The following SEMA6C variants were observed in gnomAD, a reference collection of about 807,000 sequenced individuals.
SEMA6C encodes the protein semaphorin-6C.
SEMA6C carries 37 observed loss-of-function variants against 72.9 expected under a neutral mutation model. The observed-to-expected ratio is 0.51, with a 90% CI of 0.39 to 0.67. SEMA6C has a LOEUF of 0.67. Ranked by LOEUF, SEMA6C falls within the 30% of genes least tolerant of loss-of-function variation. The probability of loss-of-function intolerance (pLI) is 0.00; values close to 1 mark genes in which losing one functional copy is unlikely to be tolerated. For missense variants in SEMA6C, 1,189 were observed against 1,263.6 expected, an observed-to-expected ratio of 0.94 and a Z score of 0.89; for synonymous variants, 578 against 554.1, an observed-to-expected ratio of 1.04 and a Z score of -0.61.
Position 151,132,268 on chromosome 1 carries a change from A to G in SEMA6C, c.*216T>C, listed in dbSNP as rs917198965. 14 of 1,528,694 alleles carry G rather than the reference A, an allele frequency of 9.2e-6. No individual in the cohort carries two copies. Among genetic ancestry groups the G allele is most frequent in the African/African-American group, 1.4e-5 (1 of 72,878 alleles). The allele number at this position is 1,528,694 out of a possible 1,614,324, so 94.7% of individuals were successfully genotyped here. A position where few individuals can be genotyped will look rare whatever the true frequency, so the allele number is the denominator to read the frequency against. ...CTCCCCCTGAAATGCTGGCTCACTG[A>G]GGAGACGGGCTTCTCACCTCCCACT... On this transcript the variant is annotated 3_prime_UTR_variant, in exon 19 of 19. Coordinates refer to ENST00000368914, the MANE Select transcript of SEMA6C (RefSeq NM_030913.6).
chr1:151,138,633 A>G lies in SEMA6C; in HGVS notation c.453T>C (p.Tyr151=). The change falls in exon 7 of 19, where the codon TAT becomes TAC. Residue 151 remains tyrosine (Y), a synonymous_variant. Transcript: ENST00000368914. ...TNSFSPVCRS[Y]GITSLQQEGE... ...ACCCCCACCCTCTCTTTTGTACCCC[A>G]TAGCTGCGGCACACAGGGCTGAATG... is the stretch of plus-strand genomic sequence containing the variant. The G allele has an allele frequency of 6.2e-7, 1 of 1,613,614 alleles. No individual in the cohort carries two copies. The highest frequency in any genetic ancestry group is 8.5e-7 in the Non-Finnish European group (1 of 1,179,588).
intron 3 of SEMA6C, among the ~76,000 whole-genome samples, chr1:151,141,754 A>ATTT (rs1682575814): frequency 1.1e-5 from 1 of 91,866 alleles, no homozygotes. Flanking sequence ...TTTTAAAGAG[A>ATTT]TGGGATGGGG....
rs767391125 is a variant in SEMA6C, at chr1:151,143,418, G to C, written c.-54-743C>G. The stretch of plus-strand genomic sequence containing the variant: ...CCGACCACTGTGCCACCCCCTCCAG[G>C]CTCTCTAGCCCCCTGCTCCTTCCCT... On this transcript the variant is annotated intron_variant, in intron 2 of 18. Coordinates refer to ENST00000368914, the MANE Select transcript of SEMA6C (RefSeq NM_030913.6). 2.8e-4 allele frequency among the ~76,000 whole-genome samples: 42 copies of C among 152,222 alleles called. 1 individual carries two copies. The highest frequency in any genetic ancestry group is 5.2e-4 in the Admixed American group (8 of 15,290).
At chr1:151,142,892 T>C (rs1337568501) in intron 2 of SEMA6C, among the ~76,000 whole-genome samples, 1 of 152,170 alleles carries the variant, frequency 6.6e-6, no homozygotes. Flanking sequence ...GAGGCCTGCC[T>C]GCATGACCCC....
chr1:151,142,607 G>T lies in SEMA6C; in HGVS notation c.15C>A (p.Pro5=), dbSNP rs1330440825. 8.8e-6 allele frequency: 14 copies of T among 1,587,774 alleles called. No individual in the cohort carries two copies. Among genetic ancestry groups the T allele is most frequent in the South Asian group, 1.2e-5 (1 of 86,184 alleles). MPRA[P]HFMPLLLLLL... is the part of the protein sequence containing the mutation. Reference sequence around the variant, plus strand: ...GCAGTAGCAGCAAGGGCATGAAGTGGGGGGCACGGGGCATCCTGTGCGGGG... The same window carrying T: ...GCAGTAGCAGCAAGGGCATGAAGTGTGGGGCACGGGGCATCCTGTGCGGGG... Residue 5 remains proline, a synonymous_variant, in exon 3 of 19, where the codon CCC becomes CCA. Transcript: ENST00000368914.
Position 151,133,657 on chromosome 1 carries a change from C to T in SEMA6C, c.1760-140G>A. 1 of 1,361,134 alleles carries T rather than the reference C, an allele frequency of 7.3e-7. No homozygotes were observed. The highest frequency in any genetic ancestry group is 2.6e-5 in the East Asian group (1 of 38,840). 84.3% of individuals were successfully genotyped at this position (1,361,134 alleles called of 1,614,324 possible). On this transcript the variant is annotated intron_variant, in intron 18 of 18. Coordinates refer to ENST00000368914, the MANE Select transcript of SEMA6C (RefSeq NM_030913.6). This position sits in a 1 kb window ranked among gnomAD's most constrained non-coding sequence, Gnocchi z 5.9. ...TCAGCCTCACTCCTACAGCCTCCAC[C>T]ATCCTCAGGATTCACCTCTCCTGAC...
chr1:151,137,173 CG>C, intron 10 of SEMA6C, 99 bp from the exon 11 acceptor site: 1 of 1,008,316 alleles, frequency 9.9e-7, no homozygotes, highest in Non-Finnish European at 1.5e-6. Context: ...GGGCTGGGCG[CG>C]GTGGCTCACG....
chr1:151,136,280 C>T, intron 12 of SEMA6C, 117 bp from the exon 13 acceptor site: 1 of 1,476,728 alleles, frequency 6.8e-7, no homozygotes, highest in African/African-American at 1.4e-5. Flanking sequence ...TCCACACAGA[C>T]ACTCGTAGCA....
At chr1:151,139,834 T>A (rs1558187167) in intron 4 of SEMA6C, 133 bp from the exon 5 acceptor site, 7 of 1,227,772 alleles carry the variant, frequency 5.7e-6, no homozygotes, top group Non-Finnish European at 8.1e-6. Context: ...TTGGCATTTG[T>A]GCTCTGGGTC....
At position 151,132,548 on chromosome 1, in the gene SEMA6C, T is replaced by A. The variant is rs1222699249; in HGVS notation, c.2729A>T (p.Lys910Met). 1 of 1,550,778 alleles carries A rather than the reference T, an allele frequency of 6.4e-7. No individual in the cohort carries two copies. The highest frequency in any genetic ancestry group is 8.7e-7 in the Non-Finnish European group (1 of 1,147,030). Reference protein sequence around the residue: ...VDVEKPQLSLKPPLVGPSSRQ... With the variant: ...VDVEKPQLSLMPPLVGPSSRQ... ...GGAGGAGGGCCCGACGAGGGGAGGC[T>A]TCAGGGACAACTGGGGCTTCTCGAC... The change falls in exon 19 of 19, where the codon AAG becomes ATG. Residue 910 changes from lysine to methionine, a missense_variant. Around this residue, in one of 2 missense-constraint regions of SEMA6C, gnomAD observed 721 missense variants for 686.2 expected, o/e 1.05. Transcript: ENST00000368914.
Position 151,131,995 on chromosome 1 carries a change from G to A in SEMA6C, c.*489C>T. The A allele has an allele frequency of 3.1e-6, 1 of 319,786 alleles. No homozygotes were observed. The allele number at this position is 319,786 out of a possible 1,614,324, so 19.8% of individuals were successfully genotyped here. A position where few individuals can be genotyped will look rare whatever the true frequency, so the allele number is the denominator to read the frequency against. On this transcript the variant is annotated 3_prime_UTR_variant, in exon 19 of 19. Coordinates refer to ENST00000368914, the MANE Select transcript of SEMA6C (RefSeq NM_030913.6). ...GCCCAGATGAAGGCAGAGAGCGAGG[G>A]CGCCCAGAGCGAGCCGACCGACTGC...
chr1:151,138,612 C>A lies in SEMA6C; in HGVS notation c.456+18G>T. The A allele has an allele frequency of 6.2e-7, 1 of 1,609,788 alleles. No homozygotes were observed. The highest frequency in any genetic ancestry group is 1.3e-5 in the African/African-American group (1 of 74,934). On this transcript the variant is annotated intron_variant, in intron 7 of 18. Coordinates refer to ENST00000368914, the MANE Select transcript of SEMA6C (RefSeq NM_030913.6). ...GTCCCCCCAACTCCCATCCTAACCCCCACCCTCTCTTTTGTACCCCATAGC... is the reference window on the plus strand; with the variant it reads ...GTCCCCCCAACTCCCATCCTAACCCACACCCTCTCTTTTGTACCCCATAGC...
Position 151,133,122 on chromosome 1 carries a change from A to G in SEMA6C, c.2155T>C (p.Trp719Arg). The change falls in exon 19 of 19, where the codon TGG becomes CGG. Residue 719 changes from tryptophan (W) to arginine (R), a missense_variant. Around this residue, in one of 2 missense-constraint regions of SEMA6C, gnomAD observed 721 missense variants for 686.2 expected, o/e 1.05. Coordinates refer to ENST00000368914, the MANE Select transcript of SEMA6C (RefSeq NM_030913.6). The surrounding 1 kb of genome is among the most constrained non-coding windows in gnomAD (Gnocchi z 5.9). ...VKHLRAAGDPWEWNQNRNNAK... is the reference protein window; with the variant it reads ...VKHLRAAGDPREWNQNRNNAK... ...TTGTTCCTGTTCTGGTTCCACTCCC[A>G]GGGGTCCCCGGCGGCGCGGAGGTGC... 1 of 1,565,508 alleles carries G rather than the reference A, an allele frequency of 6.4e-7. No homozygotes were observed. The highest frequency in any genetic ancestry group is 2.3e-5 in the East Asian group (1 of 42,646).
chr1:151,145,829 T>G lies in SEMA6C; in HGVS notation c.-105+604A>C, dbSNP rs1458785030. On this transcript the variant is annotated intron_variant, in intron 1 of 18. Coordinates refer to ENST00000368914, the MANE Select transcript of SEMA6C (RefSeq NM_030913.6). The surrounding 1 kb of genome is among the most constrained non-coding windows in gnomAD (Gnocchi z 4.4). ...CAGGAGGCAGTTGCCAGCTCGGATG[T>G]CCTCCTTGGGAGACCTCAGTCTAAC... 1.3e-5 allele frequency: 2 copies of G among 152,234 alleles called. No individual in the cohort carries two copies. The highest frequency in any genetic ancestry group is 3.9e-4 in the East Asian group (2 of 5,194). 9.4% of individuals were successfully genotyped at this position (152,234 alleles called of 1,614,324 possible).
intron 14 of SEMA6C, 129 bp downstream of exon 14, chr1:151,135,462 G>A: frequency 6.9e-7 from 1 of 1,444,006 alleles, no homozygotes; most frequent in Non-Finnish European, 9.4e-7. Context: ...TTCTCGCCAA[G>A]CCTGTCTAGC....
In SEMA6C at chr1:151,135,303, A is replaced by T; in HGVS notation, c.1440T>A (p.Ser480Arg). ...GTGCTGTTTGGGCTGTCCGCTTCCCACTGCACCTAGGGTGAGGCCAGAAGG... is the reference window on the plus strand; with the variant it reads ...GTGCTGTTTGGGCTGTCCGCTTCCCTCTGCACCTAGGGTGAGGCCAGAAGG... ...EIDAYSPARC[S>R]GKRTAQTARR... Residue 480 changes from serine to arginine, a missense_variant, in exon 15 of 19, where the codon AGT (serine) becomes AGA (arginine). Ser to Arg is a moderately radical substitution (Grantham distance 110, BLOSUM62 -1). Around this residue, in one of 2 missense-constraint regions of SEMA6C, gnomAD observed 721 missense variants for 686.2 expected, o/e 1.05. Transcript: ENST00000368914. The T allele has an allele frequency of 6.2e-7, 1 of 1,613,548 alleles. No individual in the cohort carries two copies. The highest frequency in any genetic ancestry group is 2.2e-5 in the East Asian group (1 of 44,886).
In SEMA6C at chr1:151,132,015, G is replaced by T; in HGVS notation, c.*469C>A. On this transcript the variant is annotated 3_prime_UTR_variant, in exon 19 of 19. Transcript: ENST00000368914. ...CGAGGGCGCCCAGAGCGAGCCGACCGACTGCCGCCCTCCCCCGCCCGAGTG... is the reference window on the plus strand; with the variant it reads ...CGAGGGCGCCCAGAGCGAGCCGACCTACTGCCGCCCTCCCCCGCCCGAGTG... 2.9e-6 allele frequency: 1 copy of T among 343,604 alleles called. No homozygotes were observed. The highest frequency in any genetic ancestry group is 2.3e-5 in the South Asian group (1 of 43,084). 21.3% of individuals were successfully genotyped at this position (343,604 alleles called of 1,614,324 possible). A position where few individuals can be genotyped will look rare whatever the true frequency, so the allele number is the denominator to read the frequency against.
chr1:151,137,176 TG>T, intron 10 of SEMA6C, 102 bp from the exon 11 acceptor site: 2 of 1,003,320 alleles, frequency 2.0e-6, no homozygotes, highest in Non-Finnish European at 3.0e-6. Context: ...CTGGGCGCGG[TG>T]GCTCACGCCT....
At chr1:151,134,547 C>T in intron 17 of SEMA6C, 73 bp downstream of exon 17, 1 of 1,606,424 alleles carries the variant, frequency 6.2e-7, no homozygotes, top group Non-Finnish European at 8.5e-7. Context: ...AAAGGCCAAG[C>T]CTGGGATGGT....
Sources: gnomAD v4.1 joint callset for allele counts (sites outside exome capture counted in the v4.1 genomes callset) on GRCh38, gnomAD v4.1.1 for gene constraint, gnomAD v4.1.1 regional missense constraint, Gnocchi (gnomAD v3.1) non-coding constraint, MANE v1.5 for transcripts, NCBI Gene and HGNC (gene_info 2026-07-23, HGNC 2026-07-21) for gene names.